ZNF804B: variants seen among roughly 807,000 people sequenced by gnomAD.
ZNF804B encodes the protein zinc finger protein 804B.
Under a neutral mutation model 101.4 loss-of-function variants are expected in ZNF804B, and 80 were observed. The observed-to-expected ratio is 0.79, with a 90% CI of 0.66 to 0.95. ZNF804B has a LOEUF of 0.95. Among genes scored for constraint, ZNF804B ranks in the 40% least tolerant of loss-of-function variants. ZNF804B has a pLI of 0.00. For synonymous variants in ZNF804B, 622 were observed against 558.8 expected (o/e 1.11, Z -1.59); for missense variants, 1,673 against 1,561.9 (o/e 1.07, Z -1.20).
At chr7:88,933,817 T>G (rs1424114088) in intron 1 of ZNF804B, among the ~76,000 whole-genome samples, 1 of 151,824 alleles carries the variant, frequency 6.6e-6, no homozygotes, top group Non-Finnish European at 1.5e-5. Context: ...GAATCAATAT[T>G]GTGAAAATGA....
At chr7:89,247,407 A>G (rs1332418295) in intron 2 of ZNF804B, among the ~76,000 whole-genome samples, 2 of 152,146 alleles carry the variant, frequency 1.3e-5, no homozygotes, top group Non-Finnish European at 2.9e-5. Context: ...CTAGCTCTTA[A>G]CTATAAGCAC....
intron 1 of ZNF804B, among the ~76,000 whole-genome samples, chr7:88,792,745 TAGA>T (rs1790399517): frequency 1.3e-5 from 2 of 152,126 alleles, no homozygotes; most frequent in Non-Finnish European, 2.9e-5. Flanking sequence ...CTTTCTTAGC[TAGA>T]AGAATTCTCA....
chr7:88,854,167 A>G (rs550622661), intron 1 of ZNF804B, among the ~76,000 whole-genome samples: 4 of 152,324 alleles, frequency 2.6e-5, no homozygotes, highest in Admixed American at 2.0e-4. Context: ...ATAAGCCAGG[A>G]AAATGTGTTA....
At chr7:89,331,184 A>T (rs937907038) in intron 3 of ZNF804B, among the ~76,000 whole-genome samples, 1 of 151,674 alleles carries the variant, frequency 6.6e-6, no homozygotes, top group African/African-American at 2.4e-5. Context: ...CCAGAAGTAT[A>T]GTTCCTACTT....
intron 2 of ZNF804B, among the ~76,000 whole-genome samples, chr7:89,276,814 T>G (rs1789988059): frequency 6.6e-6 from 1 of 151,894 alleles, no homozygotes; most frequent in Admixed American, 6.6e-5. Context: ...ATATTTGTAC[T>G]TAGTATGACT....
intron 2 of ZNF804B, among the ~76,000 whole-genome samples, chr7:89,325,827 T>A (rs571557737): frequency 6.6e-6 from 1 of 152,058 alleles, no homozygotes; most frequent in African/African-American, 2.4e-5. Context: ...AAAATAGCAA[T>A]TTTCTCTCTC....
intron 1 of ZNF804B, among the ~76,000 whole-genome samples, chr7:88,983,800 T>A (rs1227755088): frequency 6.6e-6 from 1 of 152,066 alleles, no homozygotes; most frequent in Non-Finnish European, 1.5e-5. Context: ...TTGGCACCGT[T>A]CATCTTGATC....
intron 1 of ZNF804B, among the ~76,000 whole-genome samples, chr7:88,875,600 A>G (rs1033182817): frequency 6.6e-6 from 1 of 152,026 alleles, no homozygotes; most frequent in Non-Finnish European, 1.5e-5. Context: ...CTCTCCCAAG[A>G]CTAAACCAGG....
At chr7:89,298,269 T>C (rs1227429884) in intron 2 of ZNF804B, among the ~76,000 whole-genome samples, 3 of 123,766 alleles carry the variant, frequency 2.4e-5, no homozygotes, top group Admixed American at 8.7e-5. Context: ...CTTTAAGTTC[T>C]AGGTTACATG....
intron 1 of ZNF804B, among the ~76,000 whole-genome samples, chr7:89,112,613 T>C (rs536307631): frequency 3.9e-4 from 59 of 152,184 alleles, no homozygotes; most frequent in Non-Finnish European, 4.0e-4. Context: ...GATTTTTGCC[T>C]TTTCATACAA....
At chr7:89,314,233 T>C (rs1003838889) in intron 2 of ZNF804B, among the ~76,000 whole-genome samples, 3 of 152,204 alleles carry the variant, frequency 2.0e-5, no homozygotes, top group African/African-American at 4.8e-5. Flanking sequence ...ACATAAATTA[T>C]TTAAGACAAG....
intron 1 of ZNF804B, chr7:88,794,539 G>T (rs1455377109): frequency 6.2e-7 from 1 of 1,613,536 alleles, no homozygotes; most frequent in Admixed American, 1.7e-5. Context: ...AATGTTATGA[G>T]AAATGACTAT....
intron 2 of ZNF804B, among the ~76,000 whole-genome samples, chr7:89,310,928 ATCT>A (rs1790642503): frequency 6.6e-6 from 1 of 152,154 alleles, no homozygotes; most frequent in Admixed American, 6.6e-5. Context: ...GAACCACACA[ATCT>A]TCTGGGAGAG....
At chr7:89,133,726 G>A (rs1207454719) in intron 1 of ZNF804B, among the ~76,000 whole-genome samples, 6 of 152,020 alleles carry the variant, frequency 3.9e-5, no homozygotes, top group Admixed American at 6.6e-5. Context: ...AGAAATAAAC[G>A]TCATGGCTAA....
intron 1 of ZNF804B, among the ~76,000 whole-genome samples, chr7:88,842,402 A>T (rs987811909): frequency 3.4e-4 from 51 of 152,200 alleles, no homozygotes; most frequent in African/African-American, 1.2e-3. Context: ...CATAAATCAT[A>T]TCACAGTTAT....
Position 89,264,252 on chromosome 7 carries a change from A to G in ZNF804B, c.249+45957A>G, listed in dbSNP as rs571652808. Among the ~76,000 whole-genome samples the G allele has an allele frequency of 2.0e-5, 3 of 152,300 alleles. 1 individual carries two copies. Among genetic ancestry groups the G allele is most frequent in the African/African-American group, 7.2e-5 (3 of 41,580 alleles). The stretch of plus-strand genomic sequence containing the variant: ...GTGAACAGAGCCAAGCCTCTTTGAA[A>G]TAAAAAATCCTGCAGGTTTAACAAA... On this transcript the variant is annotated intron_variant, in intron 2 of 3. Transcript: ENST00000333190.
chr7:88,860,827 G>T (rs988479583), intron 1 of ZNF804B, among the ~76,000 whole-genome samples: 1 of 152,088 alleles, frequency 6.6e-6, no homozygotes, highest in Admixed American at 6.6e-5. Flanking sequence ...AAAAATTTTG[G>T]TCTGTATTTG....
At chr7:89,302,526 A>T (rs1423529999) in intron 2 of ZNF804B, among the ~76,000 whole-genome samples, 2 of 151,816 alleles carry the variant, frequency 1.3e-5, no homozygotes, top group African/African-American at 4.8e-5. Context: ...GAGAGAGAGA[A>T]AGAGACAGAA....
chr7:88,889,037 G>A (rs2115925587), intron 1 of ZNF804B, among the ~76,000 whole-genome samples: 1 of 152,276 alleles, frequency 6.6e-6, no homozygotes, highest in South Asian at 2.1e-4. Context: ...GTGAGAATGT[G>A]TAGTATTTGG....
Sources: allele counts gnomAD v4.1 joint callset (sites outside exome capture counted in the v4.1 genomes callset), GRCh38; gene constraint gnomAD v4.1.1; transcripts MANE v1.5; gene names NCBI Gene and HGNC (gene_info 2026-07-23, HGNC 2026-07-21).